Variants in TNRC6B observed in about 807,000 individuals in gnomAD.
TNRC6B encodes trinucleotide repeat-containing gene 6B protein.
In TNRC6B, 52 loss-of-function variants were observed where a neutral mutation model predicts 203.6. The ratio of observed to expected loss-of-function variants is 0.26; its 90% CI spans 0.20 to 0.32. The LOEUF (loss-of-function observed/expected upper bound fraction) is 0.32, where lower values mean the gene tolerates loss of function less well. Ranked by LOEUF, TNRC6B falls within the 10% of genes least tolerant of loss-of-function variation. TNRC6B has a pLI of 1.00. For missense variants in TNRC6B, 1,923 were observed against 2,286.2 expected, an observed-to-expected ratio of 0.84 and a Z score of 3.24; for synonymous variants, 838 against 845.7, an observed-to-expected ratio of 0.99 and a Z score of 0.16.
intron 1 of TNRC6B, among the ~76,000 whole-genome samples, chr22:40,206,780 G>A (rs2069484372): frequency 6.6e-6 from 1 of 152,170 alleles, no homozygotes; most frequent in South Asian, 2.1e-4. Context: ...CTCTGTGGCG[G>A]AACTGGCCTG....
At chr22:40,147,664 A>G (rs570519296) in intron 3 of TNRC6B, among the ~76,000 whole-genome samples, 14 of 152,316 alleles carry the variant, frequency 9.2e-5, no homozygotes, top group Admixed American at 2.0e-4. Flanking sequence ...CTTATGACCT[A>G]AACACCTTCC....
intron 1 of TNRC6B, among the ~76,000 whole-genome samples, chr22:40,085,593 AT>A (rs1166210938): frequency 3.9e-5 from 6 of 152,134 alleles, no homozygotes; most frequent in African/African-American, 1.4e-4. Flanking sequence ...CTTGAATTTT[AT>A]GTAAACTTGT....
At chr22:40,228,004 C>T (rs1047446060) in intron 1 of TNRC6B, among the ~76,000 whole-genome samples, 3 of 152,134 alleles carry the variant, frequency 2.0e-5, no homozygotes, top group African/African-American at 2.4e-5. Context: ...TAGCTAAGAC[C>T]GCTATTCCTC....
chr22:40,196,537 A>G (rs1183966615), intron 1 of TNRC6B, among the ~76,000 whole-genome samples: 1 of 152,082 alleles, frequency 6.6e-6, no homozygotes, highest in Non-Finnish European at 1.5e-5. Flanking sequence ...GTCAGGGTAG[A>G]AAAAACAGCT....
chr22:40,108,056 C>T (rs927527740), intron 1 of TNRC6B, among the ~76,000 whole-genome samples: 3 of 151,972 alleles, frequency 2.0e-5, no homozygotes, highest in African/African-American at 7.3e-5. Flanking sequence ...CTTTTTAAGA[C>T]AGCCAGATCA....
chr22:40,139,001 C>G lies in TNRC6B; in HGVS notation c.45+13139C>G, dbSNP rs180849068. Among the ~76,000 whole-genome samples the G allele has an allele frequency of 1.7e-3, 266 of 152,274 alleles. 2 individuals are homozygous for G. Among genetic ancestry groups the G allele is most frequent in the African/African-American group, 6.0e-3 (251 of 41,560 alleles). On this transcript the variant is annotated intron_variant, in intron 3 of 23. Coordinates refer to the TNRC6B transcript ENST00000301923. Reference sequence around the variant, plus strand: ...TTATAGTATACAGCTCAATGGTTTTCAGTGTATTCACAGAGTTGTACCACC... The same window carrying G: ...TTATAGTATACAGCTCAATGGTTTTGAGTGTATTCACAGAGTTGTACCACC...
intron 4 of TNRC6B, among the ~76,000 whole-genome samples, chr22:40,262,669 G>C (rs1354418032): frequency 1.3e-5 from 2 of 151,928 alleles, no homozygotes; most frequent in African/African-American, 4.8e-5. Flanking sequence ...TCTTTTTGTG[G>C]GCCCTGGATT....
intron 1 of TNRC6B, among the ~76,000 whole-genome samples, chr22:40,242,861 A>G (rs973722197): frequency 6.6e-6 from 1 of 151,064 alleles, no homozygotes; most frequent in African/African-American, 2.4e-5. Flanking sequence ...CAGAACAGGG[A>G]TTTATTTTAT....
chr22:40,121,157 C>T (rs557216422), intron 2 of TNRC6B, among the ~76,000 whole-genome samples: 43 of 152,248 alleles, frequency 2.8e-4, no homozygotes, highest in Non-Finnish European at 5.9e-4. Context: ...TTTCTTAGTA[C>T]ATTGTTCTTA....
rs2070476492 is a variant in TNRC6B, at chr22:40,266,184, G to A, written c.1954G>A (p.Gly652Arg). 6.2e-7 allele frequency: 1 copy of A among 1,613,334 alleles called. No individual in the cohort carries two copies. Among genetic ancestry groups the A allele is most frequent in the Admixed American group, 1.7e-5 (1 of 59,870 alleles). Residue 652 changes from glycine (G) to arginine (R), a missense_variant, in exon 5 of 23, where the codon GGG (glycine) becomes AGG (arginine). By Grantham distance (125) the Gly-to-Arg change is moderately radical. This residue lies in a region of TNRC6B where 38 missense variants were observed against 70.3 expected (regional missense o/e 0.54). Coordinates refer to ENST00000454349, the MANE Select transcript of TNRC6B (RefSeq NM_001162501.2). ...PEGKSDKGTE[G>R]WESAATQTKN... ...GGGGAAATCTGACAAAGGAACTGAG[G>A]GGTGGGAGAGCGCTGCCACACAGAC...
rs1179573943 is a variant in TNRC6B, at chr22:40,331,775, G to A, written c.*8534G>A. ...GGGTGGGGAGGAGAGGGCAGAAAGGGGAAGGGAGTAGCGTTGCATCCTTGT... is the reference window on the plus strand; with the variant it reads ...GGGTGGGGAGGAGAGGGCAGAAAGGAGAAGGGAGTAGCGTTGCATCCTTGT... On this transcript the variant is annotated 3_prime_UTR_variant, in exon 23 of 23. Coordinates refer to ENST00000454349, the MANE Select transcript of TNRC6B (RefSeq NM_001162501.2). The A allele has an allele frequency of 1.3e-5, 5 of 384,006 alleles. No homozygotes were observed. The highest frequency in any genetic ancestry group is 2.1e-5 in the African/African-American group (1 of 48,176). 23.8% of individuals were successfully genotyped at this position (384,006 alleles called of 1,614,324 possible).
intron 5 of TNRC6B, among the ~76,000 whole-genome samples, chr22:40,268,003 C>A (rs925997450): frequency 1.3e-5 from 2 of 152,216 alleles, no homozygotes; most frequent in African/African-American, 4.8e-5. Context: ...TCATTGTCAA[C>A]TTGAATGTCC....
intron 1 of TNRC6B, among the ~76,000 whole-genome samples, chr22:40,242,936 C>T (rs969756703): frequency 6.6e-6 from 1 of 152,046 alleles, no homozygotes; most frequent in South Asian, 2.1e-4. Flanking sequence ...GTGGCGTAAT[C>T]TTGGCTAACT....
chr22:40,299,397 A>G (rs562844274), intron 12 of TNRC6B, among the ~76,000 whole-genome samples: 1 of 152,046 alleles, frequency 6.6e-6, no homozygotes, highest in Non-Finnish European at 1.5e-5. Flanking sequence ...GCGCCATCAC[A>G]CCCAGCTAAT....
At chr22:40,051,833 A>C (rs2067748028) in intron 1 of TNRC6B, among the ~76,000 whole-genome samples, 1 of 152,238 alleles carries the variant, frequency 6.6e-6, no homozygotes, top group Admixed American at 6.5e-5. Flanking sequence ...AGTATATCCA[A>C]AATATTAACA....
At chr22:40,200,138 A>G (rs2069390670) in intron 1 of TNRC6B, among the ~76,000 whole-genome samples, 2 of 151,756 alleles carry the variant, frequency 1.3e-5, no homozygotes, top group African/African-American at 4.8e-5. Context: ...CACATACTAA[A>G]GTATTCAGGG....
intron 1 of TNRC6B, among the ~76,000 whole-genome samples, chr22:40,054,773 C>G (rs893861631): frequency 7.2e-5 from 11 of 151,738 alleles, no homozygotes; most frequent in African/African-American, 2.7e-4. Context: ...CTTGGTGGCT[C>G]ATGCATGTAA....
chr22:40,127,724 G>T (rs2068506358), intron 3 of TNRC6B, among the ~76,000 whole-genome samples: 2 of 152,016 alleles, frequency 1.3e-5, no homozygotes, highest in Admixed American at 1.3e-4. Context: ...ACAAAAATTA[G>T]TTGGGCATGG....
At chr22:40,278,993 G>A (rs545952327) in intron 9 of TNRC6B, among the ~76,000 whole-genome samples, 8 of 152,304 alleles carry the variant, frequency 5.3e-5, no homozygotes, top group Admixed American at 3.9e-4. Context: ...CACCTTCCTC[G>A]CCTTCCCAAA....
Sources: allele counts gnomAD v4.1 joint callset (sites outside exome capture counted in the v4.1 genomes callset), GRCh38; gene constraint gnomAD v4.1.1; regional missense constraint gnomAD v4.1.1; transcripts MANE v1.5; gene names NCBI Gene and HGNC (gene_info 2026-07-23, HGNC 2026-07-21).